Variants in BCAT1 observed in about 807,000 individuals in gnomAD.
The protein encoded by BCAT1 is branched-chain-amino-acid aminotransferase, cytosolic.
In BCAT1, 48 loss-of-function variants were observed where a neutral mutation model predicts 52.4. The ratio of observed to expected loss-of-function variants is 0.92; its 90% CI spans 0.73 to 1.16. The LOEUF is 1.16. BCAT1 is among the 50% of genes most tolerant of loss of function. The pLI is 0.00. For synonymous variants in BCAT1, 167 were observed against 161.3 expected, an observed-to-expected ratio of 1.04 and a Z score of -0.27; for missense variants, 451 against 457.1, an observed-to-expected ratio of 0.99 and a Z score of 0.12.
At chr12:24,904,983 C>G (rs1943204450) in intron 1 of BCAT1, among the ~76,000 whole-genome samples, 1 of 152,126 alleles carries the variant, frequency 6.6e-6, no homozygotes, top group African/African-American at 2.4e-5. Flanking sequence ...GATCCTTGAG[C>G]AGAAATCTGA....
Position 24,816,213 on chromosome 12 carries a change from C to A in BCAT1, c.*1795G>T. ...TAAAAGTTTTGGAAAAGAATCAAAG[C>A]CCATTTTCTATGTGTTGCTAAATGC... On this transcript the variant is annotated 3_prime_UTR_variant, in exon 11 of 11. Transcript: ENST00000261192. 1 of 298,704 alleles carries A rather than the reference C, an allele frequency of 3.3e-6. No homozygotes were observed. The highest frequency in any genetic ancestry group is 5.3e-5 in the East Asian group (1 of 18,734). 18.5% of individuals were successfully genotyped at this position (298,704 alleles called of 1,614,324 possible).
chr12:24,829,613 A>C (rs1455752656), intron 10 of BCAT1, among the ~76,000 whole-genome samples: 2 of 152,124 alleles, frequency 1.3e-5, no homozygotes, highest in Non-Finnish European at 2.9e-5. Context: ...TTCTTTTTTT[A>C]AAACATACAT....
intron 1 of BCAT1, among the ~76,000 whole-genome samples, chr12:24,944,836 T>C (rs1337130811): frequency 6.6e-6 from 1 of 152,234 alleles, no homozygotes; most frequent in East Asian, 1.9e-4. Context: ...TACTTGTAAT[T>C]TCCTCTATTT....
intron 1 of BCAT1, among the ~76,000 whole-genome samples, chr12:24,938,683 G>A (rs1195341531): frequency 6.6e-6 from 1 of 152,068 alleles, no homozygotes; most frequent in Non-Finnish European, 1.5e-5. Context: ...GAGCCCAGGA[G>A]TATGGGGTTG....
chr12:24,881,482 T>C, intron 3 of BCAT1, 71 bp from the exon 4 acceptor site: 1 of 958,990 alleles, frequency 1.0e-6, no homozygotes, highest in South Asian at 1.4e-5. Flanking sequence ...AGACTGACTT[T>C]CCTATGGGCG....
chr12:24,825,738 T>C (rs1940367989), intron 10 of BCAT1, among the ~76,000 whole-genome samples: 2 of 152,216 alleles, frequency 1.3e-5, no homozygotes, highest in South Asian at 4.1e-4. Flanking sequence ...GAGCTCCTTA[T>C]AGACTCTGGT....
intron 8 of BCAT1, 73 bp from the exon 9 acceptor site, chr12:24,832,936 T>C (rs1443949926): frequency 3.5e-6 from 5 of 1,421,246 alleles, no homozygotes; most frequent in Non-Finnish European, 3.8e-6. Flanking sequence ...ATACTTACTG[T>C]TCTGCTTAAC....
intron 1 of BCAT1, chr12:24,945,816 T>G (rs988241594): frequency 6.6e-6 from 1 of 151,926 alleles, no homozygotes; most frequent in Non-Finnish European, 1.5e-5. Context: ...ACAGTGAGAT[T>G]CTGTCAAAAA....
In BCAT1 at chr12:24,901,757, A is replaced by G; in HGVS notation, c.78+57T>C. On this transcript the variant is annotated intron_variant, in intron 2 of 10. Transcript: ENST00000261192. ...AAATTTCCCCGAATCTCAACAAGAA[A>G]TGGATTTATTCAGTTGAACGTTGCT... 3.9e-6 allele frequency: 6 copies of G among 1,545,534 alleles called. No homozygotes were observed. In the Admixed American group the frequency reaches 1.1e-4, roughly 27 times the overall value.
At chr12:24,947,167 C>CACA (rs1943944097) in intron 1 of BCAT1, among the ~76,000 whole-genome samples, 2 of 141,152 alleles carry the variant, frequency 1.4e-5, no homozygotes, top group Non-Finnish European at 3.1e-5. Flanking sequence ...CGTCTTCCCT[C>CACA]CACACACACA....
At chr12:24,932,385 C>T (rs1943688409) in intron 1 of BCAT1, among the ~76,000 whole-genome samples, 1 of 152,176 alleles carries the variant, frequency 6.6e-6, no homozygotes. Flanking sequence ...TACCTCCAGA[C>T]CATGGTACTC....
At chr12:24,903,611 T>C (rs1943172504) in intron 1 of BCAT1, 1 of 152,222 alleles carries the variant, frequency 6.6e-6, no homozygotes, top group Non-Finnish European at 1.5e-5. Flanking sequence ...GTTATGGGGC[T>C]ACCAGGCTCG....
intron 1 of BCAT1, among the ~76,000 whole-genome samples, chr12:24,905,272 T>C (rs1167208921): frequency 6.6e-6 from 1 of 152,260 alleles, no homozygotes; most frequent in Admixed American, 6.5e-5. Flanking sequence ...TTATAGAGTT[T>C]ATTTAAATCA....
intron 3 of BCAT1, among the ~76,000 whole-genome samples, chr12:24,884,271 C>T (rs1942591619): frequency 6.6e-6 from 1 of 152,160 alleles, no homozygotes; most frequent in Non-Finnish European, 1.5e-5. Context: ...TGCACGATTT[C>T]ACTCATATGT....
At chr12:24,944,475 C>T (rs1288314954) in intron 1 of BCAT1, among the ~76,000 whole-genome samples, 1 of 152,192 alleles carries the variant, frequency 6.6e-6, no homozygotes, top group Non-Finnish European at 1.5e-5. Context: ...CGTTAAGAGA[C>T]AGCTGTGGAA....
At chr12:24,913,627 C>T (rs1232828827) in intron 1 of BCAT1, among the ~76,000 whole-genome samples, 1 of 152,194 alleles carries the variant, frequency 6.6e-6, no homozygotes. Context: ...GGCCAAAACC[C>T]TGAGCCCCCT....
Position 24,829,338 on chromosome 12 carries a change from C to A in BCAT1, c.1119+485G>T, listed in dbSNP as rs573558241. On this transcript the variant is annotated intron_variant, in intron 10 of 10. Coordinates refer to ENST00000261192, the MANE Select transcript of BCAT1 (RefSeq NM_005504.7). ...GGCAGAGGTTGCAGTGAGCCAAGAT[C>A]GTGCCATCGTACTCCAGCCTGGGCA... is the stretch of plus-strand genomic sequence containing the variant. 1.6e-4 allele frequency among the ~76,000 whole-genome samples: 25 copies of A among 152,176 alleles called. No individual in the cohort carries two copies. The East Asian group carries it at 4.6e-3, about 28-fold the overall frequency.
chr12:24,857,051 C>T (rs886622618), intron 5 of BCAT1, among the ~76,000 whole-genome samples: 2 of 152,120 alleles, frequency 1.3e-5, no homozygotes, highest in Admixed American at 6.5e-5. Flanking sequence ...GGCTCCTTCT[C>T]GGAGGAGCAA....
intron 2 of BCAT1, among the ~76,000 whole-genome samples, chr12:24,899,168 G>A (rs917888160): frequency 2.0e-5 from 3 of 152,134 alleles, no homozygotes; most frequent in Admixed American, 6.5e-5. Context: ...GTGTAACAAC[G>A]TATCTCATTG....
Sources: allele counts gnomAD v4.1 joint callset (sites outside exome capture counted in the v4.1 genomes callset), GRCh38; gene constraint gnomAD v4.1.1; transcripts MANE v1.5; gene names NCBI Gene and HGNC (gene_info 2026-07-23, HGNC 2026-07-21).